Variants in AGAP1 observed in about 807,000 individuals in gnomAD.
The protein encoded by AGAP1 is arf-GAP with GTPase, ANK repeat and PH domain-containing protein 1.
A neutral mutation model predicts 105.3 loss-of-function variants in AGAP1; 29 were observed. That is an observed-to-expected ratio of 0.28 (90% CI 0.21 to 0.38). AGAP1 has a LOEUF of 0.38. AGAP1 is among the 10% of genes least tolerant of loss of function. AGAP1 has a pLI of 1.00. For synonymous variants in AGAP1, 509 were observed against 485.9 expected (o/e 1.05, Z -0.63); for missense variants, 998 against 1,165.1 (o/e 0.86, Z 2.09).
Position 236,123,835 on chromosome 2 carries a change from T to C in AGAP1, c.2371-84T>C, listed in dbSNP as rs1004652986. The C allele has an allele frequency of 3.9e-6, 6 of 1,539,366 alleles. No individual in the cohort carries two copies. The highest frequency in any genetic ancestry group is 5.3e-6 in the Non-Finnish European group (6 of 1,128,058). ...CCCCGCTGTCCAAGCACAAGCCACA[T>C]GCAAGGGCTGAGAGAAAGCTTCCCT... On this transcript the variant is annotated intron_variant, in intron 17 of 17. Coordinates refer to ENST00000304032, the MANE Select transcript of AGAP1 (RefSeq NM_001037131.3). The surrounding 1 kb of genome is among the most constrained non-coding windows in gnomAD (Gnocchi z 4.6).
At chr2:235,852,765 C>G (rs1207356718) in intron 9 of AGAP1, 3 of 1,528,590 alleles carry the variant, frequency 2.0e-6, no homozygotes, top group South Asian at 2.5e-5. Context: ...CAGTCCTCCC[C>G]CTGGCCAGGG....
At chr2:236,097,885 C>A (rs966174815) in intron 16 of AGAP1, among the ~76,000 whole-genome samples, 2 of 152,160 alleles carry the variant, frequency 1.3e-5, no homozygotes, top group Non-Finnish European at 2.9e-5. Context: ...TCCCGACTCC[C>A]GGCACCTCAT....
At chr2:235,859,584 A>G (rs1372607109) in intron 9 of AGAP1, among the ~76,000 whole-genome samples, 1 of 140,842 alleles carries the variant, frequency 7.1e-6, no homozygotes, top group African/African-American at 2.7e-5. Flanking sequence ...TTCTAACTGT[A>G]TTTCCATAGC....
chr2:235,683,919 C>G (rs1275161174), intron 1 of AGAP1, among the ~76,000 whole-genome samples: 2 of 151,684 alleles, frequency 1.3e-5, no homozygotes, highest in African/African-American at 4.9e-5. Context: ...CATTTTTCAC[C>G]TCCCACCTAT....
chr2:235,518,808 A>G (rs561783979), intron 1 of AGAP1, among the ~76,000 whole-genome samples: 87 of 152,292 alleles, frequency 5.7e-4, no homozygotes, highest in African/African-American at 2.0e-3. Context: ...CAGCAGCTGC[A>G]TGTCCTCAGG....
intron 16 of AGAP1, among the ~76,000 whole-genome samples, chr2:236,072,026 CT>C (rs981790233): frequency 7.3e-5 from 11 of 151,694 alleles, no homozygotes; most frequent in African/African-American, 2.7e-4. Context: ...GAGAACTAAA[CT>C]TTTTTTAAAA....
At chr2:235,804,163 A>C (rs989705411) in intron 8 of AGAP1, among the ~76,000 whole-genome samples, 15 of 152,290 alleles carry the variant, frequency 9.8e-5, no homozygotes, top group African/African-American at 3.4e-4. Context: ...CTGCCTAGGG[A>C]TCAGCATTAA....
At chr2:235,955,630 C>T (rs2053915876) in intron 12 of AGAP1, among the ~76,000 whole-genome samples, 1 of 152,228 alleles carries the variant, frequency 6.6e-6, no homozygotes, top group Non-Finnish European at 1.5e-5. Flanking sequence ...TATTACTTAT[C>T]TTCTATGACA....
At position 235,744,363 on chromosome 2, in the gene AGAP1, G is replaced by A. The variant is rs573081016; in HGVS notation, c.397-335G>A. Among the ~76,000 whole-genome samples, 11 of 152,284 alleles carry A rather than the reference G, an allele frequency of 7.2e-5. No homozygotes were observed. Among genetic ancestry groups the A allele is most frequent in the South Asian group, 6.2e-4 (3 of 4,826 alleles). On this transcript the variant is annotated intron_variant, in intron 4 of 17. Coordinates refer to ENST00000304032, the MANE Select transcript of AGAP1 (RefSeq NM_001037131.3). This position sits in a 1 kb window ranked among gnomAD's most constrained non-coding sequence, Gnocchi z 5.2. ...GAGGTGGGTCTGGCCTTCTGTCTGCGGGGCCGCCTTGGCAGGTCGGGGCAG... is the reference window on the plus strand; with the variant it reads ...GAGGTGGGTCTGGCCTTCTGTCTGCAGGGCCGCCTTGGCAGGTCGGGGCAG...
rs374427822 is a variant in AGAP1, at chr2:235,689,383, A to G, written c.164-19796A>G. ...ATCGGCCCGTAGGGTCTCCAGCACAATACCGGGTTAGTGAGCAGAAAGTAG... is the reference window on the plus strand; with the variant it reads ...ATCGGCCCGTAGGGTCTCCAGCACAGTACCGGGTTAGTGAGCAGAAAGTAG... On this transcript the variant is annotated intron_variant, in intron 1 of 17. Coordinates refer to ENST00000304032, the MANE Select transcript of AGAP1 (RefSeq NM_001037131.3). This position sits in a 1 kb window ranked among gnomAD's most constrained non-coding sequence, Gnocchi z 4.2. 2.6e-5 allele frequency among the ~76,000 whole-genome samples: 4 copies of G among 152,250 alleles called. No individual in the cohort carries two copies. Among genetic ancestry groups the G allele is most frequent in the Admixed American group, 6.5e-5 (1 of 15,286 alleles).
Position 236,036,547 on chromosome 2 carries a change from A to G in AGAP1, c.1646-14A>G. On this transcript the variant is annotated splice_polypyrimidine_tract_variant and intron_variant, in intron 13 of 17. Transcript: ENST00000304032. The surrounding 1 kb of genome is among the most constrained non-coding windows in gnomAD (Gnocchi z 5.7). ...ATAAAAGCTAAACTCTTCATCCCAC[A>G]CTCTGTGTTTCAGAACAAGAAGAAA... is the stretch of plus-strand genomic sequence containing the variant. The G allele has an allele frequency of 6.2e-7, 1 of 1,613,288 alleles. No homozygotes were observed. The highest frequency in any genetic ancestry group is 2.2e-5 in the East Asian group (1 of 44,858).
rs574636707 is a variant in AGAP1, at chr2:235,621,896, C to T, written c.164-87283C>T. Among the ~76,000 whole-genome samples, 781 of 126,376 alleles carry T rather than the reference C, an allele frequency of 6.2e-3. 10 individuals are homozygous for T. Among genetic ancestry groups the T allele is most frequent in the African/African-American group, 0.019 (736 of 39,248 alleles). 82.9% of individuals were successfully genotyped at this position (126,376 alleles called of 152,430 possible). Reference sequence around the variant, plus strand: ...GGGGTGCGATCGGAAGGGAGTGCCGCGCAGACCCCCCCACCCCCTCAGAAC... The same window carrying T: ...GGGGTGCGATCGGAAGGGAGTGCCGTGCAGACCCCCCCACCCCCTCAGAAC... On this transcript the variant is annotated intron_variant, in intron 1 of 17. Transcript: ENST00000304032. This position sits in a 1 kb window ranked among gnomAD's most constrained non-coding sequence, Gnocchi z 4.1.
chr2:235,616,564 A>G (rs1013325380), intron 1 of AGAP1, among the ~76,000 whole-genome samples: 2 of 151,888 alleles, frequency 1.3e-5, no homozygotes, highest in Non-Finnish European at 2.9e-5. Context: ...TGACCTGGCA[A>G]TTTCATTTCT....
chr2:236,044,251 G>A lies in AGAP1; in HGVS notation c.1891+3410G>A, dbSNP rs556386303. ...CAACCCAGCATGTCCCAGGCCCATC[G>A]GACAGTGGGGCCTTTGTTTAGGGTG... is the stretch of plus-strand genomic sequence containing the variant. On this transcript the variant is annotated intron_variant, in intron 15 of 17. Transcript: ENST00000304032. This position sits in a 1 kb window ranked among gnomAD's most constrained non-coding sequence, Gnocchi z 5.7. Among the ~76,000 whole-genome samples the A allele has an allele frequency of 9.2e-5, 14 of 152,248 alleles. No homozygotes were observed. Among genetic ancestry groups the A allele is most frequent in the Admixed American group, 3.9e-4 (6 of 15,290 alleles).
intron 11 of AGAP1, among the ~76,000 whole-genome samples, chr2:235,928,460 C>A (rs1354346350): frequency 6.6e-6 from 1 of 152,168 alleles, no homozygotes; most frequent in Non-Finnish European, 1.5e-5. Context: ...GGAACGAGCC[C>A]TGGAGTCAGC....
intron 1 of AGAP1, among the ~76,000 whole-genome samples, chr2:235,598,166 A>G (rs1945602326): frequency 6.6e-6 from 1 of 152,132 alleles, no homozygotes; most frequent in African/African-American, 2.4e-5. Flanking sequence ...AAAGCTGTGC[A>G]CATTAGGTGA....
chr2:236,077,126 GA>G (rs200778447), intron 16 of AGAP1, among the ~76,000 whole-genome samples: 18,607 of 116,994 alleles, frequency 0.16, 1,506 homozygotes, highest in African/African-American at 0.21. Flanking sequence ...AAAAAGAGTA[GA>G]AAAAAAAAAA....
intron 3 of AGAP1, among the ~76,000 whole-genome samples, chr2:235,722,483 G>A (rs1951438085): frequency 6.6e-6 from 1 of 152,188 alleles, no homozygotes. Flanking sequence ...GAGAGCTTCT[G>A]GTGGCTGTCA....
At chr2:236,097,982 T>A (rs2059236718) in intron 16 of AGAP1, among the ~76,000 whole-genome samples, 1 of 152,184 alleles carries the variant, frequency 6.6e-6, no homozygotes, top group Non-Finnish European at 1.5e-5. Context: ...TCGTAGCAGA[T>A]ATTAGAATTT....
Sources: gnomAD v4.1 joint callset for allele counts (sites outside exome capture counted in the v4.1 genomes callset) on GRCh38, gnomAD v4.1.1 for gene constraint, Gnocchi (gnomAD v3.1) non-coding constraint, MANE v1.5 for transcripts, NCBI Gene and HGNC (gene_info 2026-07-23, HGNC 2026-07-21) for gene names.